Variants in PRKDC observed in about 807,000 individuals in gnomAD.
The protein encoded by PRKDC is DNA-dependent protein kinase catalytic subunit.
Under a neutral mutation model 486.9 loss-of-function variants are expected in PRKDC, and 82 were observed. The ratio of observed to expected loss-of-function variants is 0.17; its 90% CI spans 0.14 to 0.20. PRKDC has a LOEUF of 0.20. Ranked by LOEUF, PRKDC falls within the 10% of genes least tolerant of loss-of-function variation. The probability of loss-of-function intolerance (pLI) is 1.00; values close to 1 mark genes in which losing one functional copy is unlikely to be tolerated. For synonymous variants in PRKDC, 1,895 were observed against 1,837.0 expected (o/e 1.03, Z -0.81); for missense variants, 4,504 against 5,038.2 (o/e 0.89, Z 3.21).
At position 47,912,477 on chromosome 8, in the gene PRKDC, G is replaced by A. The variant is rs780533793; in HGVS notation, c.2867C>T (p.Pro956Leu). The A allele has an allele frequency of 1.2e-6, 2 of 1,612,660 alleles. No homozygotes were observed. The highest frequency in any genetic ancestry group is 1.1e-5 in the South Asian group (1 of 90,806). The change falls in exon 25 of 86, where the codon CCA (proline) becomes CTA (leucine). Residue 956 changes from proline (P) to leucine (L), a missense_variant. Physicochemically the swap from Pro to Leu is moderately conservative, Grantham distance 98 (BLOSUM62 -3). Around this residue, in one of 6 missense-constraint regions of PRKDC, gnomAD observed 1,969 missense variants for 2,068.9 expected, o/e 0.95. Transcript: ENST00000314191. Reference sequence around the variant, plus strand: ...CCGCTTATAGAGCTGGTACATGGGTGGGGCTCCCTGTCCCCCTTCTGGCAT... The same window carrying A: ...CCGCTTATAGAGCTGGTACATGGGTAGGGCTCCCTGTCCCCCTTCTGGCAT... ...TQMPEGGQGA[P>L]PMYQLYKRTF...
At chr8:47,859,080 T>C (rs1035199594) in intron 46 of PRKDC, 94 bp from the exon 47 acceptor site, 34 of 1,317,512 alleles carry the variant, frequency 2.6e-5, no homozygotes, top group Middle Eastern at 1.8e-4. Context: ...GGCAACAGCA[T>C]ATAACAAACA....
At chr8:47,869,986 T>C (rs1219019778) in intron 40 of PRKDC, among the ~76,000 whole-genome samples, 1 of 152,162 alleles carries the variant, frequency 6.6e-6, no homozygotes, top group Non-Finnish European at 1.5e-5. Flanking sequence ...AGGACTTTGT[T>C]TTGCAGCTTG....
chr8:47,802,898 C>CT (rs1300807033), intron 70 of PRKDC, among the ~76,000 whole-genome samples: 1 of 152,180 alleles, frequency 6.6e-6, no homozygotes, highest in Non-Finnish European at 1.5e-5. Context: ...CATGATCTGC[C>CT]TGCCTCAGCC....
chr8:47,902,660 A>G lies in PRKDC; in HGVS notation c.3178T>C (p.Phe1060Leu). The G allele has an allele frequency of 6.2e-7, 1 of 1,613,828 alleles. No homozygotes were observed. Among genetic ancestry groups the G allele is most frequent in the Non-Finnish European group, 8.5e-7 (1 of 1,179,752 alleles). Residue 1060 changes from phenylalanine (F) to leucine (L), a missense_variant, in exon 27 of 86, where the codon TTC (phenylalanine) becomes CTC (leucine). By Grantham distance (22) the Phe-to-Leu change is conservative. Around this residue, in one of 6 missense-constraint regions of PRKDC, gnomAD observed 1,969 missense variants for 2,068.9 expected, o/e 0.95. Coordinates refer to ENST00000314191, the MANE Select transcript of PRKDC (RefSeq NM_006904.7). ...AGCGCAAGGCTATAAAGTCGCTTGA[A>G]AAGCGATTTGGTGTTTACTGGACTC... ...EKSPVNTKSL[F>L]KRLYSLALHP...
At position 47,933,060 on chromosome 8, in the gene PRKDC, A is replaced by G. The variant is rs756121716; in HGVS notation, c.1736T>C (p.Leu579Ser). 1 of 1,599,036 alleles carries G rather than the reference A, an allele frequency of 6.3e-7. No homozygotes were observed. Among genetic ancestry groups the G allele is most frequent in the Non-Finnish European group, 8.5e-7 (1 of 1,174,354 alleles). The stretch of plus-strand genomic sequence containing the variant: ...AGTCTGTATTTCAAGTGTAAGATCC[A>G]ATTTCTCAACAATCTTCAAAACGGA... ...VKSVLKIVEKLDLTLEIQTVG... is the reference protein window; with the variant it reads ...VKSVLKIVEKSDLTLEIQTVG... The change falls in exon 16 of 86, where the codon TTG (leucine) becomes TCG (serine). Residue 579 changes from leucine to serine, a missense_variant. Physicochemically the swap from Leu to Ser is moderately radical, Grantham distance 145. Around this residue, in one of 6 missense-constraint regions of PRKDC, gnomAD observed 1,969 missense variants for 2,068.9 expected, o/e 0.95. Coordinates refer to ENST00000314191, the MANE Select transcript of PRKDC (RefSeq NM_006904.7).
chr8:47,881,417 T>A lies in PRKDC; in HGVS notation c.5066A>T (p.Lys1689Met). The A allele has an allele frequency of 6.7e-7, 1 of 1,498,726 alleles. No individual in the cohort carries two copies. The highest frequency in any genetic ancestry group is 1.2e-5 in the South Asian group (1 of 85,366). 92.8% of individuals were successfully genotyped at this position (1,498,726 alleles called of 1,614,324 possible). A position where few individuals can be genotyped will look rare whatever the true frequency, so the allele number is the denominator to read the frequency against. The change falls in exon 38 of 86, where the codon AAG becomes ATG. Residue 1689 changes from lysine to methionine, a missense_variant and splice_region_variant. Physicochemically the swap from Lys to Met is moderately conservative, Grantham distance 95 (BLOSUM62 -1). Transcript: ENST00000314191. ...LADTKLDLHL[K>M]GQAVTLLPFF... is the part of the protein sequence containing the mutation. ...AAAAATAAATATTTCACTGTTTACCTTTAAATGTAGATCCAGCTTTGTGTC... is the reference window on the plus strand; with the variant it reads ...AAAAATAAATATTTCACTGTTTACCATTAAATGTAGATCCAGCTTTGTGTC...
rs776051253 is a variant in PRKDC at position 47,864,599 on chromosome 8, A to G, written c.5528T>C (p.Ile1843Thr). The change falls in exon 41 of 86, where the codon ATT becomes ACT. Residue 1843 changes from isoleucine to threonine, a missense_variant. Physicochemically the swap from Ile to Thr is moderately conservative, Grantham distance 89. Coordinates refer to ENST00000314191, the MANE Select transcript of PRKDC (RefSeq NM_006904.7). ...LDALREFFST[I>T]VVDAIDVLKS... ...CAACACATCAATGGCATCCACCACA[A>G]TTGTGCTGAAGAATTCTCTCAAAGC... 5 of 1,610,468 alleles carry G rather than the reference A, an allele frequency of 3.1e-6. No individual in the cohort carries two copies. In the South Asian group the frequency reaches 4.4e-5, roughly 14 times the overall value.
rs780730579 is a variant in PRKDC at position 47,890,472 on chromosome 8, C to T, written c.3856G>A (p.Ala1286Thr). The T allele has an allele frequency of 1.3e-6, 2 of 1,554,114 alleles. No homozygotes were observed. Among genetic ancestry groups the T allele is most frequent in the Non-Finnish European group, 1.7e-6 (2 of 1,147,388 alleles). The change falls in exon 32 of 86, where the codon GCC becomes ACC. Residue 1286 changes from alanine to threonine, a missense_variant. Transcript: ENST00000314191. Reference protein sequence around the residue: ...VGALQVLGTEAQSSLLKAVAF... With the variant: ...VGALQVLGTETQSSLLKAVAF... ...ACTGCTTTCAAAAGTGAAGACTGGG[C>T]TTCAGTACCTAGAAGCAATTATATT...
rs547611695 is a variant in PRKDC at position 47,849,581 on chromosome 8, T to A, written c.7006-78A>T. The A allele has an allele frequency of 4.7e-6, 7 of 1,494,048 alleles. No individual in the cohort carries two copies. The African/African-American group carries it at 5.5e-5, about 12-fold the overall frequency. 92.5% of individuals were successfully genotyped at this position (1,494,048 alleles called of 1,614,324 possible). A position where few individuals can be genotyped will look rare whatever the true frequency, so the allele number is the denominator to read the frequency against. ...CATTGAAAGCAAAGTTTATCTTGAG[T>A]ATTTAAGTGAGCCCAACAAAGGTGC... On this transcript the variant is annotated intron_variant, in intron 52 of 85. Transcript: ENST00000314191.
intron 1 of PRKDC, 43 bp downstream of exon 1, chr8:47,959,930 G>A (rs1589823470): frequency 6.6e-7 from 1 of 1,522,634 alleles, no homozygotes; most frequent in Non-Finnish European, 8.8e-7. Context: ...AACGACTCGG[G>A]AAGCCAGGAC....
intron 61 of PRKDC, among the ~76,000 whole-genome samples, chr8:47,828,562 T>C (rs992930362): frequency 3.3e-5 from 5 of 152,218 alleles, no homozygotes; most frequent in African/African-American, 9.6e-5. Context: ...ACATGGACTT[T>C]TGGCCCAGAG....
chr8:47,881,705 A>G (rs1461594673), intron 37 of PRKDC, among the ~76,000 whole-genome samples, 185 bp from the exon 38 acceptor site: 1 of 152,278 alleles, frequency 6.6e-6, no homozygotes. Flanking sequence ...ATGCAAAGGT[A>G]CTTTAAAAAG....
intron 69 of PRKDC, among the ~76,000 whole-genome samples, chr8:47,803,845 C>T (rs2087160293): frequency 6.7e-6 from 1 of 149,998 alleles, no homozygotes; most frequent in African/African-American, 2.5e-5. Context: ...CTACTCTGGA[C>T]ACTAAGGTAG....
intron 73 of PRKDC, among the ~76,000 whole-genome samples, chr8:47,795,564 C>T (rs1451555069): frequency 6.7e-6 from 1 of 148,916 alleles, no homozygotes; most frequent in Non-Finnish European, 1.5e-5. Context: ...GTGATCTCAG[C>T]TCACTGCAAC....
At chr8:47,778,864 A>G in intron 81 of PRKDC, 65 bp from the exon 82 acceptor site, 1 of 1,521,960 alleles carries the variant, frequency 6.6e-7, no homozygotes, top group South Asian at 1.2e-5. Flanking sequence ...TTAAATTTTA[A>G]AACTTTTTGT....
At chr8:47,877,655 C>A in intron 40 of PRKDC, 69 bp downstream of exon 40, 1 of 1,370,682 alleles carries the variant, frequency 7.3e-7, no homozygotes, top group Non-Finnish European at 9.6e-7. Context: ...TTTTTTGGAA[C>A]AGAGAGGATA....
intron 83 of PRKDC, 130 bp from the exon 84 acceptor site, chr8:47,778,004 A>G: frequency 1.1e-6 from 1 of 897,702 alleles, no homozygotes; most frequent in Non-Finnish European, 1.7e-6. Context: ...TTCCCTTGAA[A>G]TCAGCTACAC....
At chr8:47,791,033 C>T (rs1228911235) in intron 74 of PRKDC, among the ~76,000 whole-genome samples, 4 of 152,314 alleles carry the variant, frequency 2.6e-5, no homozygotes, top group African/African-American at 9.6e-5. Context: ...TAATACCCCA[C>T]AGGCACATGC....
intron 11 of PRKDC, among the ~76,000 whole-genome samples, chr8:47,936,945 GA>G (rs2090362198): frequency 6.7e-6 from 1 of 149,396 alleles, no homozygotes; most frequent in Non-Finnish European, 1.5e-5. Context: ...TAATTAAGAA[GA>G]AATACAGATA....
Sources: gnomAD v4.1 joint callset for allele counts (sites outside exome capture counted in the v4.1 genomes callset) on GRCh38, gnomAD v4.1.1 for gene constraint, gnomAD v4.1.1 regional missense constraint, MANE v1.5 for transcripts, NCBI Gene and HGNC (gene_info 2026-07-23, HGNC 2026-07-21) for gene names.